HP1BP3: variants seen among roughly 807,000 people sequenced by gnomAD.
HP1BP3 encodes heterochromatin protein 1 binding protein 3.
In HP1BP3, 12 loss-of-function variants were observed where a neutral mutation model predicts 62.5. The ratio of observed to expected loss-of-function variants is 0.19; its 90% confidence interval spans 0.12 to 0.31. The LOEUF is 0.31. Among genes scored for constraint, HP1BP3 ranks in the 10% least tolerant of loss-of-function variants. The pLI, the probability that HP1BP3 is intolerant of heterozygous loss-of-function variation, is 1.00. For missense variants in HP1BP3, 502 were observed against 651.8 expected (o/e 0.77, Z 2.50); for synonymous variants, 260 against 237.8 (o/e 1.09, Z -0.86).
At chr1:20,786,945 G>T (rs906567346) in intron 1 of HP1BP3, among the ~76,000 whole-genome samples, 4 of 152,088 alleles carry the variant, frequency 2.6e-5, no homozygotes, top group Admixed American at 1.3e-4. Flanking sequence ...GCGGGAGCGC[G>T]CGCGCCGGAG....
At chr1:20,768,434 A>T (rs2056893689) in intron 6 of HP1BP3, among the ~76,000 whole-genome samples, 1 of 152,168 alleles carries the variant, frequency 6.6e-6, no homozygotes, top group Admixed American at 6.5e-5. Flanking sequence ...TGACAGAGCG[A>T]TACTCCGTCT....
chr1:20,783,864 G>A (rs1462146305), intron 1 of HP1BP3, among the ~76,000 whole-genome samples: 1 of 151,102 alleles, frequency 6.6e-6, no homozygotes, highest in Non-Finnish European at 1.5e-5. Context: ...GCTTCAATCT[G>A]TAGTACCTGC....
At chr1:20,748,512 C>T (rs894069518) in intron 10 of HP1BP3, among the ~76,000 whole-genome samples, 5 of 152,152 alleles carry the variant, frequency 3.3e-5, no homozygotes, top group African/African-American at 4.8e-5. Context: ...TTTGGGAGGC[C>T]GAGGCCGGCA....
At chr1:20,748,666 A>G (rs1349272324) in intron 10 of HP1BP3, among the ~76,000 whole-genome samples, 3 of 152,136 alleles carry the variant, frequency 2.0e-5, no homozygotes, top group African/African-American at 7.2e-5. Flanking sequence ...GGGTGGAGGT[A>G]GGAGAATGGC....
chr1:20,762,524 A>C (rs948999795), intron 8 of HP1BP3, among the ~76,000 whole-genome samples: 1 of 152,214 alleles, frequency 6.6e-6, no homozygotes, highest in African/African-American at 2.4e-5. Flanking sequence ...CGAATCCCCT[A>C]ATCACAAGGA....
intron 9 of HP1BP3, among the ~76,000 whole-genome samples, chr1:20,753,783 C>A (rs1172392660): frequency 6.6e-6 from 1 of 152,194 alleles, no homozygotes; most frequent in Non-Finnish European, 1.5e-5. Context: ...ATCATCTCAA[C>A]AGACACTGAA....
rs979901976 is a variant in HP1BP3, at chr1:20,773,463, A to G, written c.498T>C (p.Thr166=). 6.2e-7 allele frequency: 1 copy of G among 1,607,726 alleles called. No homozygotes were observed. Among genetic ancestry groups the G allele is most frequent in the African/African-American group, 1.3e-5 (1 of 74,610 alleles). The part of the protein sequence containing the change: ...SPRPKMDAIL[T]EAIKACFQKS... ...AATAAAAACTTGCCTTAATGGCCTC[A>G]GTTAAGATTGCATCCATCTTGGGAC... Residue 166 remains threonine, a synonymous_variant, in exon 5 of 13, where the codon ACT becomes ACC. Coordinates refer to ENST00000438032, the MANE Select transcript of HP1BP3 (RefSeq NM_001372052.1).
At chr1:20,767,827 C>T (rs1208722727) in intron 6 of HP1BP3, among the ~76,000 whole-genome samples, 163 bp from the exon 7 acceptor site, 4 of 151,342 alleles carry the variant, frequency 2.6e-5, no homozygotes, top group African/African-American at 9.7e-5. Flanking sequence ...CAGATGAAAG[C>T]TCCTTTATAT....
In HP1BP3 at chr1:20,740,360, A is replaced by G. The variant is rs1315445875; in HGVS notation, c.*4437T>C. 6.6e-6 allele frequency among the ~76,000 whole-genome samples: 1 copy of G among 152,220 alleles called. No individual in the cohort carries two copies. Among genetic ancestry groups the G allele is most frequent in the Non-Finnish European group, 1.5e-5 (1 of 68,024 alleles). On this transcript the variant is annotated 3_prime_UTR_variant, in exon 13 of 13. Transcript: ENST00000438032. ...AAAAAGAGTTGTAATTTTTGAGGAAAATCGCTTCAGCCTTTTGAGGCCTCC... is the reference window on the plus strand; with the variant it reads ...AAAAAGAGTTGTAATTTTTGAGGAAGATCGCTTCAGCCTTTTGAGGCCTCC...
In HP1BP3 at chr1:20,741,195, G is replaced by C. The variant is rs17408019; in HGVS notation, c.*3602C>G. Reference sequence around the variant, plus strand: ...TAAATTAATCAGGTTCCAAAGATAGGAGACCTTAACTATAATCCCAAATTT... The same window carrying C: ...TAAATTAATCAGGTTCCAAAGATAGCAGACCTTAACTATAATCCCAAATTT... On this transcript the variant is annotated 3_prime_UTR_variant, in exon 13 of 13. Transcript: ENST00000438032. 0.028 allele frequency among the ~76,000 whole-genome samples: 4,256 copies of C among 152,270 alleles called. 93 individuals carry two copies. The highest frequency in any genetic ancestry group is 0.048 in the Middle Eastern group (14 of 294).
chr1:20,744,743 C>A lies in HP1BP3; in HGVS notation c.*54G>T, dbSNP rs1408182277. 2.7e-6 allele frequency: 4 copies of A among 1,461,828 alleles called. No homozygotes were observed. In the Admixed American group the frequency reaches 8.1e-5, roughly 30 times the overall value. The allele number at this position is 1,461,828 out of a possible 1,614,324, so 90.6% of individuals were successfully genotyped here. ...TCAAAACTAAACAAATGCACACTGA[C>A]CTTAGAAAATAAGATTTTGAATTTC... On this transcript the variant is annotated 3_prime_UTR_variant, in exon 13 of 13. Transcript: ENST00000438032.
chr1:20,783,131 A>G (rs1295266885), intron 1 of HP1BP3, among the ~76,000 whole-genome samples: 1 of 151,966 alleles, frequency 6.6e-6, no homozygotes, highest in Non-Finnish European at 1.5e-5. Context: ...AATAATAATA[A>G]TAAAAGTTGA....
In HP1BP3 at chr1:20,745,567, TC is replaced by T; in HGVS notation, c.1342del (p.Asp448MetfsTer25). The T allele has an allele frequency of 6.2e-7, 1 of 1,614,120 alleles. No homozygotes were observed. The highest frequency in any genetic ancestry group is 8.5e-7 in the Non-Finnish European group (1 of 1,179,960). On this transcript the variant is annotated frameshift_variant, in exon 12 of 13. Transcript: ENST00000438032. LOFTEE classifies it high-confidence loss of function. ...EDESSEEDSE[D>X]EEPPPKRRLQ... is the part of the protein sequence containing the mutation. The stretch of plus-strand genomic sequence containing the variant: ...CCTTCTCTTAGGTGGCGGCTCTTCA[TC>T]CTCAGAGTCTTCTTCTGATGACTCA...
At chr1:20,766,003 A>T (rs1161561361) in intron 7 of HP1BP3, among the ~76,000 whole-genome samples, 1 of 150,902 alleles carries the variant, frequency 6.6e-6, no homozygotes, top group African/African-American at 2.4e-5. Flanking sequence ...ACAAAACAAG[A>T]AAAAGGAGCC....
At chr1:20,760,513 T>G (rs558197755) in intron 8 of HP1BP3, among the ~76,000 whole-genome samples, 5 of 151,448 alleles carry the variant, frequency 3.3e-5, no homozygotes, top group Non-Finnish European at 5.9e-5. Context: ...TATACTCCAG[T>G]CTGGGCAACA....
chr1:20,752,946 CG>C (rs1025861834), intron 9 of HP1BP3, among the ~76,000 whole-genome samples: 5 of 132,250 alleles, frequency 3.8e-5, no homozygotes, highest in African/African-American at 1.1e-4. Flanking sequence ...TCTTGGAACA[CG>C]TTTTTTTTTT....
intron 4 of HP1BP3, chr1:20,776,151 G>C (rs2057296481): frequency 7.1e-6 from 5 of 703,782 alleles, no homozygotes; most frequent in East Asian, 5.8e-5. Flanking sequence ...TAGACTTTTA[G>C]GTCACACTAC....
chr1:20,773,844 AATTAGCACT>A (rs72495895), intron 4 of HP1BP3: 11,014 of 347,326 alleles, frequency 0.032, 227 homozygotes, highest in Non-Finnish European at 0.04. Context: ...GAGTCACATA[AATTAGCACT>A]GGTATAAGGG....
At chr1:20,750,816 CTTTTTTTT>C (rs767621434) in intron 9 of HP1BP3, among the ~76,000 whole-genome samples, 3 of 116,534 alleles carry the variant, frequency 2.6e-5, no homozygotes, top group African/African-American at 6.5e-5. Context: ...TATTTTCTCT[CTTTTTTTT>C]TTTTTTTTTT....
Sources: allele counts gnomAD v4.1 joint callset (sites outside exome capture counted in the v4.1 genomes callset), GRCh38; gene constraint gnomAD v4.1.1; transcripts MANE v1.5; gene names NCBI Gene and HGNC (gene_info 2026-07-23, HGNC 2026-07-21).